The following FAM117B variants were observed in gnomAD, a reference collection of about 807,000 sequenced individuals.
FAM117B encodes the protein protein FAM117B.
Under a neutral mutation model 52.8 loss-of-function variants are expected in FAM117B, and 22 were observed. The observed-to-expected ratio is 0.42, with a 90% confidence interval of 0.30 to 0.59. FAM117B has a LOEUF of 0.59. Among genes scored for constraint, FAM117B ranks in the 20% least tolerant of loss-of-function variants. The pLI is 0.22. For missense variants in FAM117B, 678 were observed against 802.6 expected (o/e 0.84, Z 1.88); for synonymous variants, 309 against 324.1 (o/e 0.95, Z 0.50).
At chr2:202,674,779 C>T (rs1448118344) in intron 1 of FAM117B, among the ~76,000 whole-genome samples, 1 of 152,234 alleles carries the variant, frequency 6.6e-6, no homozygotes, top group Non-Finnish European at 1.5e-5. Flanking sequence ...AAATCTTTGG[C>T]ATAGCATCTA....
intron 7 of FAM117B, among the ~76,000 whole-genome samples, chr2:202,763,864 T>C (rs1045037969): frequency 6.6e-6 from 1 of 152,236 alleles, no homozygotes; most frequent in Non-Finnish European, 1.5e-5. Context: ...ATCCGCTGTT[T>C]ACTCATTCTT....
chr2:202,644,064 G>GTTTTTTTTTTTTTTTTTTTT lies in FAM117B; in HGVS notation c.601+8277_601+8296dup, dbSNP rs1161026426. Among the ~76,000 whole-genome samples, 15 of 95,138 alleles carry GTTTTTTTTTTTTTTTTTTTT rather than the reference G, an allele frequency of 1.6e-4. 1 individual carries two copies. Among genetic ancestry groups the GTTTTTTTTTTTTTTTTTTTT allele is most frequent in the Admixed American group, 4.0e-4 (3 of 7,464 alleles). 62.4% of individuals were successfully genotyped at this position (95,138 alleles called of 152,430 possible). A position where few individuals can be genotyped will look rare whatever the true frequency, so the allele number is the denominator to read the frequency against. ...CTGCTTTAGGAGCTGTTTTTTTTTTGTTTTTTTTTTTTTTTTTTTTCAGTT... is the reference window on the plus strand; with the variant it reads ...CTGCTTTAGGAGCTGTTTTTTTTTTGTTTTTTTTTTTTTTTTTTTTTTTTTTTTTTTTTTTTTTTTCAGTT... On this transcript the variant is annotated intron_variant, in intron 1 of 7. Transcript: ENST00000392238.
At chr2:202,680,262 A>G (rs1312769224) in intron 1 of FAM117B, among the ~76,000 whole-genome samples, 1 of 152,184 alleles carries the variant, frequency 6.6e-6, no homozygotes, top group Non-Finnish European at 1.5e-5. Context: ...AGAGCCACAA[A>G]AAAAGTCTGA....
At chr2:202,671,884 G>C (rs1231883861) in intron 1 of FAM117B, among the ~76,000 whole-genome samples, 4 of 152,176 alleles carry the variant, frequency 2.6e-5, no homozygotes, top group Admixed American at 2.6e-4. Context: ...CTCTCTGGCA[G>C]AGCTCTCTTC....
intron 1 of FAM117B, among the ~76,000 whole-genome samples, chr2:202,681,737 G>A (rs1435654911): frequency 6.6e-6 from 1 of 152,214 alleles, no homozygotes; most frequent in African/African-American, 2.4e-5. Context: ...AAGTTGCATT[G>A]TAGAACACTC....
At chr2:202,646,883 T>C (rs1433250538) in intron 1 of FAM117B, among the ~76,000 whole-genome samples, 1 of 152,116 alleles carries the variant, frequency 6.6e-6, no homozygotes, top group African/African-American at 2.4e-5. Flanking sequence ...GTTTTTAGTA[T>C]ACAAGATGCT....
intron 1 of FAM117B, among the ~76,000 whole-genome samples, chr2:202,673,604 C>T (rs1200121441): frequency 1.3e-5 from 2 of 151,622 alleles, no homozygotes; most frequent in Non-Finnish European, 2.9e-5. Context: ...CCTACCACCA[C>T]ACCCGGCTAA....
At chr2:202,736,087 G>C (rs576816118) in intron 4 of FAM117B, among the ~76,000 whole-genome samples, 7 of 152,260 alleles carry the variant, frequency 4.6e-5, no homozygotes, top group Non-Finnish European at 1.0e-4. Context: ...CAGTGAGGTA[G>C]AAAAAGAAAC....
chr2:202,740,942 G>A (rs906434115), intron 4 of FAM117B, among the ~76,000 whole-genome samples: 11 of 152,000 alleles, frequency 7.2e-5, no homozygotes, highest in Admixed American at 6.6e-4. Context: ...TTCTTAATAT[G>A]ATCACACACA....
intron 1 of FAM117B, among the ~76,000 whole-genome samples, chr2:202,673,469 A>T (rs1176329409): frequency 2.7e-5 from 1 of 36,878 alleles, no homozygotes; most frequent in Non-Finnish European, 4.3e-5. Context: ...TTTTTTTGAG[A>T]CGTTGTCTTG....
At chr2:202,765,089 A>G (rs1337783832) in intron 7 of FAM117B, among the ~76,000 whole-genome samples, 1 of 152,028 alleles carries the variant, frequency 6.6e-6, no homozygotes, top group Admixed American at 6.5e-5. Flanking sequence ...AAACATCTAG[A>G]TTTTCTTTTG....
chr2:202,680,769 A>T (rs139807979), intron 1 of FAM117B, among the ~76,000 whole-genome samples: 1 of 152,204 alleles, frequency 6.6e-6, no homozygotes, highest in Non-Finnish European at 1.5e-5. Flanking sequence ...AAATCCTTCA[A>T]TATAAAGGCT....
Position 202,691,694 on chromosome 2 carries a change from TGTGTGC to T in FAM117B, c.602-4185_602-4180del, listed in dbSNP as rs1253807961. 3.2e-3 allele frequency among the ~76,000 whole-genome samples: 430 copies of T among 132,832 alleles called. 6 individuals carry two copies. Among genetic ancestry groups the T allele is most frequent in the African/African-American group, 7.7e-3 (257 of 33,472 alleles). The allele number at this position is 132,832 out of a possible 152,430, so 87.1% of individuals were successfully genotyped here. A position where few individuals can be genotyped will look rare whatever the true frequency, so the allele number is the denominator to read the frequency against. ...GTGTGTGTGTGTGTGTGTGTGTGTG[TGTGTGC>T]GCGCGCGCCTCCCCACCCTGCCAGC... is the stretch of plus-strand genomic sequence containing the variant. On this transcript the variant is annotated intron_variant, in intron 1 of 7. Coordinates refer to ENST00000392238, the MANE Select transcript of FAM117B (RefSeq NM_173511.4).
intron 1 of FAM117B, among the ~76,000 whole-genome samples, chr2:202,688,450 T>C (rs935053449): frequency 1.4e-4 from 21 of 152,092 alleles, no homozygotes; most frequent in Admixed American, 1.2e-3. Context: ...TTATACATAC[T>C]CTTTAAAATA....
rs902117314 is a variant in FAM117B, at chr2:202,768,010, C to G, written c.*2246C>G. ...ACTTGACTGTATCACCACTGAGTAT[C>G]TGCTGTATCAGAAGTTCAGAAGAAA... On this transcript the variant is annotated 3_prime_UTR_variant, in exon 8 of 8. Coordinates refer to ENST00000392238, the MANE Select transcript of FAM117B (RefSeq NM_173511.4). 5 of 152,162 alleles carry G rather than the reference C, an allele frequency of 3.3e-5. No individual in the cohort carries two copies. Among genetic ancestry groups the G allele is most frequent in the African/African-American group, 1.2e-4 (5 of 41,422 alleles). 9.4% of individuals were successfully genotyped at this position (152,162 alleles called of 1,614,324 possible). A position where few individuals can be genotyped will look rare whatever the true frequency, so the allele number is the denominator to read the frequency against.
At chr2:202,672,505 C>T (rs1367308011) in intron 1 of FAM117B, among the ~76,000 whole-genome samples, 1 of 152,222 alleles carries the variant, frequency 6.6e-6, no homozygotes, top group Non-Finnish European at 1.5e-5. Context: ...TGAGCCACTG[C>T]ACCTGGCACT....
intron 1 of FAM117B, among the ~76,000 whole-genome samples, chr2:202,689,267 C>T (rs1690587501): frequency 6.6e-6 from 1 of 151,206 alleles, no homozygotes; most frequent in African/African-American, 2.4e-5. Context: ...ATGGCAAAAC[C>T]CCATCTCTAC....
intron 4 of FAM117B, among the ~76,000 whole-genome samples, chr2:202,741,416 CAAAAAAAAAAAAAA>C (rs1156278814): frequency 0.015 from 531 of 34,982 alleles, 14 homozygotes; most frequent in African/African-American, 0.064. Context: ...GACTCTGTCT[CAAAAAAAAAAAAAA>C]AAAAAAAAAA....
intron 1 of FAM117B, among the ~76,000 whole-genome samples, chr2:202,647,520 T>C (rs1394678192): frequency 6.6e-6 from 1 of 152,238 alleles, no homozygotes. Context: ...GAAACTTTCT[T>C]CTTTGATCTT....
Sources: gnomAD v4.1 joint callset for allele counts (sites outside exome capture counted in the v4.1 genomes callset) on GRCh38, gnomAD v4.1.1 for gene constraint, MANE v1.5 for transcripts, NCBI Gene and HGNC (gene_info 2026-07-23, HGNC 2026-07-21) for gene names.